The following AFF1 variants were observed in gnomAD, a reference collection of about 807,000 sequenced individuals.
AFF1 encodes the protein ALF transcription elongation factor 1, also known as AF4/FMR2 family member 1.
Under a neutral mutation model 121.7 loss-of-function variants are expected in AFF1, and 48 were observed. That is an observed-to-expected ratio of 0.39 (90% CI 0.31 to 0.50). The LOEUF is 0.50. AFF1 is among the 20% of genes least tolerant of loss of function. AFF1 has a pLI of 0.76. For synonymous variants in AFF1, 613 were observed against 563.0 expected (o/e 1.09, Z -1.26); for missense variants, 1,523 against 1,511.7 (o/e 1.01, Z -0.12).
chr4:86,963,485 T>C (rs1325117840), intron 2 of AFF1, among the ~76,000 whole-genome samples: 3 of 152,144 alleles, frequency 2.0e-5, no homozygotes, highest in African/African-American at 7.2e-5. Flanking sequence ...ACATTAGCGC[T>C]TGCGTTCAGG....
intron 16 of AFF1, among the ~76,000 whole-genome samples, chr4:87,130,439 C>T (rs939968814): frequency 1.5e-4 from 23 of 152,188 alleles, no homozygotes; most frequent in Admixed American, 5.9e-4. Context: ...CACTTAGAAG[C>T]GTGCTGTGTG....
intron 4 of AFF1, among the ~76,000 whole-genome samples, chr4:87,081,954 G>A (rs1304648622): frequency 6.6e-6 from 1 of 152,126 alleles, no homozygotes; most frequent in Non-Finnish European, 1.5e-5. Flanking sequence ...TTGGCAAAGT[G>A]TCTACTGCTT....
At chr4:86,985,507 CAAA>C (rs34276113) in intron 2 of AFF1, among the ~76,000 whole-genome samples, 2 of 96,498 alleles carry the variant, frequency 2.1e-5, no homozygotes, top group Non-Finnish European at 2.1e-5. Context: ...GACACTGTCT[CAAA>C]AAAAAAAAAA....
chr4:87,039,672 T>A (rs1258832268), intron 2 of AFF1, among the ~76,000 whole-genome samples: 1 of 152,198 alleles, frequency 6.6e-6, no homozygotes, highest in Non-Finnish European at 1.5e-5. Flanking sequence ...ATGAATTCTG[T>A]AGAGATCTTT....
intron 2 of AFF1, among the ~76,000 whole-genome samples, chr4:86,972,923 C>G (rs1329626463): frequency 6.6e-6 from 1 of 152,140 alleles, no homozygotes; most frequent in African/African-American, 2.4e-5. Context: ...GCATTAGTAA[C>G]CCCCATTATA....
intron 2 of AFF1, among the ~76,000 whole-genome samples, chr4:87,017,734 C>CGTCTGG (rs1727449365): frequency 6.6e-6 from 1 of 152,124 alleles, no homozygotes; most frequent in Non-Finnish European, 1.5e-5. Context: ...CTAAGTGAAG[C>CGTCTGG]GTCTGGAAAT....
intron 2 of AFF1, among the ~76,000 whole-genome samples, chr4:86,961,870 G>C (rs1435729774): frequency 6.6e-6 from 1 of 152,012 alleles, no homozygotes; most frequent in Non-Finnish European, 1.5e-5. Flanking sequence ...AGCAGTTCTC[G>C]TTTTAGATTA....
chr4:86,996,534 G>A lies in AFF1; in HGVS notation c.38+47963G>A, dbSNP rs927710404. Among the ~76,000 whole-genome samples the A allele has an allele frequency of 7.4e-4, 111 of 150,700 alleles. 1 individual carries two copies. Among genetic ancestry groups the A allele is most frequent in the East Asian group, 1.9e-3 (10 of 5,140 alleles). On this transcript the variant is annotated intron_variant, in intron 2 of 20. Transcript: ENST00000395146. Reference sequence around the variant, plus strand: ...ACAGATGCTTGAAGGCAGCATGCTCGTTAAGAGTCATCACCACTCCCTAAT... The same window carrying A: ...ACAGATGCTTGAAGGCAGCATGCTCATTAAGAGTCATCACCACTCCCTAAT...
At chr4:86,942,843 G>A (rs1345615597) in intron 1 of AFF1, among the ~76,000 whole-genome samples, 1 of 152,228 alleles carries the variant, frequency 6.6e-6, no homozygotes, top group African/African-American at 2.4e-5. Context: ...AAAAGTCAGA[G>A]TTCCTGATGC....
At chr4:87,094,853 C>CA in intron 7 of AFF1, 62 bp from the exon 8 acceptor site, 1 of 1,545,534 alleles carries the variant, frequency 6.5e-7, no homozygotes, top group East Asian at 2.3e-5. Flanking sequence ...TAAAAGAACT[C>CA]ACAACTAAGG....
Position 87,108,164 on chromosome 4 carries a change from C to T in AFF1, c.1382C>T (p.Pro461Leu). 6.2e-7 allele frequency: 1 copy of T among 1,613,822 alleles called. No individual in the cohort carries two copies. The highest frequency in any genetic ancestry group is 8.5e-7 in the Non-Finnish European group (1 of 1,179,874). ...ATCTTTTGGTTGCTTTGCAGTGCTC[C>T]ACAGTCCCTTCCAGAACCAGTGGCA... ...PPSSSAPPSA[P>L]QSLPEPVASA... is the part of the protein sequence containing the mutation. The change falls in exon 11 of 21, where the codon CCA becomes CTA. Residue 461 changes from proline to leucine, a missense_variant. Pro to Leu is a moderately conservative substitution (Grantham distance 98, BLOSUM62 -3). Around this residue, in one of 5 missense-constraint regions of AFF1, gnomAD observed 905 missense variants for 842.5 expected, o/e 1.07. Transcript: ENST00000395146.
rs74921020 is a variant in AFF1, at chr4:86,992,558, G to T, written c.38+43987G>T. Among the ~76,000 whole-genome samples the T allele has an allele frequency of 3.7e-3, 564 of 151,930 alleles. 2 individuals carry two copies. Among genetic ancestry groups the T allele is most frequent in the Admixed American group, 7.0e-3 (106 of 15,250 alleles). ...CCATTAAGTTGTTAAGCGTTTTAAG[G>T]CATGAAGCTGGCCAGCTTTGAGGTG... is the stretch of plus-strand genomic sequence containing the variant. On this transcript the variant is annotated intron_variant, in intron 2 of 20. Coordinates refer to ENST00000395146, the MANE Select transcript of AFF1 (RefSeq NM_001166693.3).
At chr4:86,970,373 T>C (rs1349600675) in intron 2 of AFF1, among the ~76,000 whole-genome samples, 19 of 152,148 alleles carry the variant, frequency 1.2e-4, no homozygotes, top group Non-Finnish European at 5.9e-5. Context: ...CTTCCTAGAA[T>C]GTTATTTGAA....
chr4:87,126,166 T>A lies in AFF1; in HGVS notation c.2641T>A (p.Ser881Thr). ...CCCCCCGCCACCCGTGTCCTCGTCC[T>A]CCCAGAAGCCAGCCAAGCCTGCACT... ...MLPPPPVSSS[S>T]QKPAKPALKR... The change falls in exon 14 of 21, where the codon TCC (serine) becomes ACC (threonine). Residue 881 changes from serine to threonine, a missense_variant. Coordinates refer to ENST00000395146, the MANE Select transcript of AFF1 (RefSeq NM_001166693.3). 6.2e-7 allele frequency: 1 copy of A among 1,614,078 alleles called. No individual in the cohort carries two copies. Among genetic ancestry groups the A allele is most frequent in the Non-Finnish European group, 8.5e-7 (1 of 1,179,994 alleles).
At chr4:87,127,957 C>G (rs1416718595) in intron 16 of AFF1, among the ~76,000 whole-genome samples, 1 of 152,130 alleles carries the variant, frequency 6.6e-6, no homozygotes, top group East Asian at 1.9e-4. Flanking sequence ...TCCATTGATT[C>G]AGTCTGATCA....
chr4:87,060,203 A>C (rs1020184455), intron 4 of AFF1, among the ~76,000 whole-genome samples: 3 of 152,206 alleles, frequency 2.0e-5, no homozygotes, highest in Non-Finnish European at 4.4e-5. Context: ...TTTTTAGTTG[A>C]GTTCCAGCCT....
chr4:87,116,466 C>A (rs1179371626), intron 12 of AFF1, among the ~76,000 whole-genome samples: 1 of 152,166 alleles, frequency 6.6e-6, no homozygotes, highest in African/African-American at 2.4e-5. Flanking sequence ...CCAACTCTCT[C>A]CTGCTGAGAA....
intron 2 of AFF1, chr4:86,949,537 ATT>A (rs754229542): frequency 0.053 from 13,157 of 246,498 alleles, 359 homozygotes; most frequent in African/African-American, 0.12. Context: ...TATTATTATT[ATT>A]TTTTTTTTTT....
At chr4:86,941,353 T>A (rs1042482923) in intron 1 of AFF1, among the ~76,000 whole-genome samples, 2 of 151,840 alleles carry the variant, frequency 1.3e-5, no homozygotes, top group Non-Finnish European at 2.9e-5. Flanking sequence ...TCCACAAAAG[T>A]TTTTTTAAAA....
Sources: gnomAD v4.1 joint callset for allele counts (sites outside exome capture counted in the v4.1 genomes callset) on GRCh38, gnomAD v4.1.1 for gene constraint, gnomAD v4.1.1 regional missense constraint, MANE v1.5 for transcripts, NCBI Gene and HGNC (gene_info 2026-07-23, HGNC 2026-07-21) for gene names.